RAB40C: variants seen among roughly 807,000 people sequenced by gnomAD.
RAB40C encodes ras-related protein Rab-40C.
In RAB40C, 8 loss-of-function variants were observed where a neutral mutation model predicts 28.1. That is an observed-to-expected ratio of 0.28 (90% CI 0.17 to 0.51). The LOEUF (loss-of-function observed/expected upper bound fraction) is 0.51, where lower values mean the gene tolerates loss of function less well. Among genes scored for constraint, RAB40C ranks in the 20% least tolerant of loss-of-function variants. The pLI, the probability that RAB40C is intolerant of heterozygous loss-of-function variation, is 0.97. For missense variants in RAB40C, 288 were observed against 405.9 expected (o/e 0.71, Z 2.50); for synonymous variants, 201 against 171.7 (o/e 1.17, Z -1.34).
In RAB40C at chr16:628,551, C is replaced by T. The variant is rs1433150361; in HGVS notation, c.*929C>T. 2 of 152,302 alleles carry T rather than the reference C, an allele frequency of 1.3e-5. No individual in the cohort carries two copies. The highest frequency in any genetic ancestry group is 4.8e-5 in the African/African-American group (2 of 41,474). 9.4% of individuals were successfully genotyped at this position (152,302 alleles called of 1,614,324 possible). ...TGCACGGCATCAGAACCATCCTGACCTTCTTAGGGACGTGCCTGGAACCAC... is the reference window on the plus strand; with the variant it reads ...TGCACGGCATCAGAACCATCCTGACTTTCTTAGGGACGTGCCTGGAACCAC... On this transcript the variant is annotated 3_prime_UTR_variant, in exon 6 of 6. Transcript: ENST00000248139.
rs548652151 is a variant in RAB40C, at chr16:622,747, G to A, written c.265-2685G>A. ...TCTCCATCTCTTGACCTCGTGATCCGCCTGCCTCGGCCTCCCAAAGTGCTG... is the reference window on the plus strand; with the variant it reads ...TCTCCATCTCTTGACCTCGTGATCCACCTGCCTCGGCCTCCCAAAGTGCTG... On this transcript the variant is annotated intron_variant, in intron 3 of 5. Transcript: ENST00000248139. Among the ~76,000 whole-genome samples the A allele has an allele frequency of 1.1e-4, 16 of 152,272 alleles. No individual in the cohort carries two copies. The East Asian group carries it at 2.1e-3, about 20-fold the overall frequency.
In RAB40C at chr16:610,238, G is replaced by A. The variant is rs912701249; in HGVS notation, c.143-6970G>A. On this transcript the variant is annotated intron_variant, in intron 1 of 5. Coordinates refer to ENST00000248139, the MANE Select transcript of RAB40C (RefSeq NM_021168.5). The surrounding 1 kb of genome is among the most constrained non-coding windows in gnomAD (Gnocchi z 4.6). ...TGCCTCTGTCCCCTGAGGTCAGAGC[G>A]CCTGTCCTGTGGAGCGGCTCTGACC... 1.6e-4 allele frequency among the ~76,000 whole-genome samples: 25 copies of A among 152,182 alleles called. No individual in the cohort carries two copies. The highest frequency in any genetic ancestry group is 4.3e-4 in the African/African-American group (18 of 41,448).
Position 627,851 on chromosome 16 carries a change from G to A in RAB40C, c.*229G>A, listed in dbSNP as rs1053055162. 19 of 494,710 alleles carry A rather than the reference G, an allele frequency of 3.8e-5. No homozygotes were observed. Among genetic ancestry groups the A allele is most frequent in the Middle Eastern group, 5.3e-4 (1 of 1,894 alleles). The allele number at this position is 494,710 out of a possible 1,614,324, so 30.6% of individuals were successfully genotyped here. On this transcript the variant is annotated 3_prime_UTR_variant, in exon 6 of 6. Transcript: ENST00000248139. Reference sequence around the variant, plus strand: ...GCTGCTGGTGCTTCCGGGAATCTTGGTCGGAAACAAGCCGGGCCTCCCCAG... The same window carrying A: ...GCTGCTGGTGCTTCCGGGAATCTTGATCGGAAACAAGCCGGGCCTCCCCAG...
intron 1 of RAB40C, among the ~76,000 whole-genome samples, chr16:594,952 TG>T (rs760781885): frequency 2.8e-4 from 43 of 152,136 alleles, no homozygotes; most frequent in Admixed American, 1.5e-3. Flanking sequence ...CCTGAGTAGC[TG>T]GGATTACAGA....
At chr16:604,764 A>C (rs920197232) in intron 1 of RAB40C, among the ~76,000 whole-genome samples, 2 of 152,216 alleles carry the variant, frequency 1.3e-5, no homozygotes, top group Non-Finnish European at 2.9e-5. Flanking sequence ...AAACATATTG[A>C]AAAATTAGCC....
At chr16:591,677 C>T (rs868786668) in intron 1 of RAB40C, among the ~76,000 whole-genome samples, 2 of 151,788 alleles carry the variant, frequency 1.3e-5, no homozygotes, top group Non-Finnish European at 2.9e-5. Context: ...CTGCAACCTC[C>T]GCCTCCTGGG....
intron 1 of RAB40C, among the ~76,000 whole-genome samples, chr16:609,819 G>A (rs2036444322): frequency 6.6e-6 from 1 of 152,234 alleles, no homozygotes; most frequent in African/African-American, 2.4e-5. Flanking sequence ...TCCCTGCAGA[G>A]GTCACCCTGG....
At chr16:607,985 C>T (rs1483517549) in intron 1 of RAB40C, among the ~76,000 whole-genome samples, 2 of 150,428 alleles carry the variant, frequency 1.3e-5, no homozygotes, top group Non-Finnish European at 3.0e-5. Flanking sequence ...TGCAGCCAGG[C>T]AACGTGCTGT....
chr16:626,165 G>C, intron 5 of RAB40C, 44 bp downstream of exon 5: 2 of 1,560,064 alleles, frequency 1.3e-6, no homozygotes, highest in Non-Finnish European at 1.8e-6. Context: ...CCCGAACCTG[G>C]GCTGCCCTGA....
intron 1 of RAB40C, among the ~76,000 whole-genome samples, chr16:601,910 G>C (rs768877299): frequency 6.7e-6 from 1 of 149,336 alleles, no homozygotes; most frequent in Non-Finnish European, 1.5e-5. Context: ...GGTGGATCAC[G>C]AGGTCAGGAG....
At chr16:624,528 A>T in intron 3 of RAB40C, 1 of 985,422 alleles carries the variant, frequency 1.0e-6, no homozygotes, top group Non-Finnish European at 1.2e-6. Context: ...GCTACACTTC[A>T]GTCTTCCAGA....
At chr16:603,717 T>C (rs901215287) in intron 1 of RAB40C, among the ~76,000 whole-genome samples, 3 of 152,104 alleles carry the variant, frequency 2.0e-5, no homozygotes, top group Non-Finnish European at 4.4e-5. Context: ...AGTACCCTCA[T>C]CCAAATCAGG....
At chr16:622,394 G>T (rs1212592482) in intron 3 of RAB40C, among the ~76,000 whole-genome samples, 2 of 151,558 alleles carry the variant, frequency 1.3e-5, no homozygotes, top group Non-Finnish European at 2.9e-5. Flanking sequence ...AGGCATGAGC[G>T]GCACCGTGGA....
chr16:625,554 T>A, intron 4 of RAB40C, 45 bp downstream of exon 4: 1 of 1,580,020 alleles, frequency 6.3e-7, no homozygotes. Context: ...GCAGGCTGGA[T>A]GGAGGTACCT....
At chr16:608,920 G>T (rs1268591467) in intron 1 of RAB40C, among the ~76,000 whole-genome samples, 1 of 152,108 alleles carries the variant, frequency 6.6e-6, no homozygotes, top group Non-Finnish European at 1.5e-5. Flanking sequence ...CTCAAGACCA[G>T]CCTGGGCAAC....
At chr16:601,778 A>G (rs2036253312) in intron 1 of RAB40C, among the ~76,000 whole-genome samples, 1 of 140,914 alleles carries the variant, frequency 7.1e-6, no homozygotes, top group South Asian at 2.5e-4. Context: ...GGTTCAGACT[A>G]GGCAACGTAG....
intron 1 of RAB40C, among the ~76,000 whole-genome samples, chr16:614,679 G>A (rs575591987): frequency 1.3e-4 from 19 of 151,162 alleles, no homozygotes; most frequent in African/African-American, 3.9e-4. Context: ...ACCTCGTCCC[G>A]ATGGTGAACT....
At chr16:590,676 C>T (rs2035973663) in intron 1 of RAB40C, among the ~76,000 whole-genome samples, 1 of 152,204 alleles carries the variant, frequency 6.6e-6, no homozygotes. Flanking sequence ...GCCATGGACC[C>T]GGGGTCTGGG....
chr16:606,586 C>T (rs2036364050), intron 1 of RAB40C, among the ~76,000 whole-genome samples: 1 of 152,224 alleles, frequency 6.6e-6, no homozygotes, highest in African/African-American at 2.4e-5. Flanking sequence ...GCAGGCCCTA[C>T]AGGAAGATGT....
Sources: allele counts gnomAD v4.1 joint callset (sites outside exome capture counted in the v4.1 genomes callset), GRCh38; gene constraint gnomAD v4.1.1; non-coding constraint Gnocchi (gnomAD v3.1); transcripts MANE v1.5; gene names NCBI Gene and HGNC (gene_info 2026-07-23, HGNC 2026-07-21).